Variants in CADPS observed in about 807,000 individuals in gnomAD.
The protein encoded by CADPS is calcium-dependent secretion activator 1.
Under a neutral mutation model 167.3 loss-of-function variants are expected in CADPS, and 57 were observed. The ratio of observed to expected loss-of-function variants is 0.34; its 90% CI spans 0.28 to 0.42. CADPS has a LOEUF of 0.42. Among genes scored for constraint, CADPS ranks in the 20% least tolerant of loss-of-function variants. The probability of loss-of-function intolerance (pLI) is 1.00; values close to 1 mark genes in which losing one functional copy is unlikely to be tolerated. For missense variants in CADPS, 1,414 were observed against 1,738.1 expected (o/e 0.81, Z 3.32); for synonymous variants, 676 against 635.3 (o/e 1.06, Z -0.96).
intron 11 of CADPS, among the ~76,000 whole-genome samples, chr3:62,545,920 T>A (rs1466328575): frequency 6.6e-6 from 1 of 152,154 alleles, no homozygotes; most frequent in East Asian, 1.9e-4. Context: ...GTAGCTTCCT[T>A]TTGTCTTGTA....
chr3:62,456,672 C>T (rs150838848), intron 26 of CADPS, among the ~76,000 whole-genome samples: 24 of 151,052 alleles, frequency 1.6e-4, no homozygotes, highest in African/African-American at 5.8e-4. Flanking sequence ...CCATGTGGTA[C>T]ATATCCTGCA....
chr3:62,605,822 C>T (rs776468288), intron 6 of CADPS, among the ~76,000 whole-genome samples: 2 of 152,188 alleles, frequency 1.3e-5, no homozygotes, highest in Non-Finnish European at 2.9e-5. Flanking sequence ...CAAAGATGCA[C>T]AAGTAATCCA....
At chr3:62,428,146 A>G (rs1405937739) in intron 28 of CADPS, among the ~76,000 whole-genome samples, 1 of 152,174 alleles carries the variant, frequency 6.6e-6, no homozygotes, top group South Asian at 2.1e-4. Context: ...TTTTTAGTCA[A>G]CTCAGCAGGA....
chr3:62,737,990 G>A (rs1459655155), intron 3 of CADPS, among the ~76,000 whole-genome samples: 9 of 151,816 alleles, frequency 5.9e-5, no homozygotes, highest in African/African-American at 2.2e-4. Flanking sequence ...TTAAACATCA[G>A]TTTTTTGAGA....
chr3:62,562,918 G>C (rs551041109), intron 9 of CADPS, among the ~76,000 whole-genome samples: 5 of 152,338 alleles, frequency 3.3e-5, no homozygotes, highest in African/African-American at 4.8e-5. Flanking sequence ...AATTGTTAAA[G>C]AAAAGTTTTC....
At chr3:62,527,577 G>A (rs1577245937) in intron 13 of CADPS, among the ~76,000 whole-genome samples, 1 of 152,108 alleles carries the variant, frequency 6.6e-6, no homozygotes, top group African/African-American at 2.4e-5. Context: ...GACCAGATGT[G>A]TCTACACTTG....
intron 1 of CADPS, among the ~76,000 whole-genome samples, chr3:62,793,817 A>T (rs951960682): frequency 9.9e-5 from 15 of 152,282 alleles, no homozygotes; most frequent in Non-Finnish European, 2.2e-4. Flanking sequence ...TTGTTTGATG[A>T]TTTTGTTCCT....
chr3:62,706,066 C>T (rs953035697), intron 3 of CADPS, among the ~76,000 whole-genome samples: 1 of 152,096 alleles, frequency 6.6e-6, no homozygotes, highest in Admixed American at 6.5e-5. Flanking sequence ...GGGCTGCCAC[C>T]CTCGGGGTTA....
chr3:62,485,578 T>C (rs2062694050), intron 21 of CADPS, among the ~76,000 whole-genome samples: 1 of 152,302 alleles, frequency 6.6e-6, no homozygotes, highest in East Asian at 1.9e-4. Flanking sequence ...TAAAGTCATT[T>C]TTCTTGTGTG....
chr3:62,417,671 C>A (rs1048910052), intron 28 of CADPS, among the ~76,000 whole-genome samples: 1 of 151,904 alleles, frequency 6.6e-6, no homozygotes, highest in Non-Finnish European at 1.5e-5. Flanking sequence ...GAAAAAAGTT[C>A]TATAGTGACA....
chr3:62,512,491 G>C (rs971130891), intron 17 of CADPS, among the ~76,000 whole-genome samples: 1 of 152,124 alleles, frequency 6.6e-6, no homozygotes, highest in African/African-American at 2.4e-5. Flanking sequence ...CTATAACCAA[G>C]GATGAAATGA....
At chr3:62,546,127 AT>A (rs75526981) in intron 11 of CADPS, among the ~76,000 whole-genome samples, 1,739 of 143,112 alleles carry the variant, frequency 0.012, 7 homozygotes, top group African/African-American at 0.018. Flanking sequence ...GCAATACTTG[AT>A]TTTTTTTTTT....
At chr3:62,654,246 G>A (rs1310828556) in intron 4 of CADPS, among the ~76,000 whole-genome samples, 2 of 152,158 alleles carry the variant, frequency 1.3e-5, no homozygotes, top group African/African-American at 2.4e-5. Flanking sequence ...GGCACTAGGG[G>A]GATCATGTTG....
At chr3:62,491,558 A>AACAC (rs35911391) in intron 20 of CADPS, 78 bp from the exon 21 acceptor site, 171,138 of 514,274 alleles carry the variant, frequency 0.33, 13,945 homozygotes, top group East Asian at 0.4. Flanking sequence ...CACACACACA[A>AACAC]ACACACACAC....
intron 1 of CADPS, among the ~76,000 whole-genome samples, chr3:62,791,182 T>A (rs1206061959): frequency 6.6e-6 from 1 of 152,196 alleles, no homozygotes; most frequent in Non-Finnish European, 1.5e-5. Flanking sequence ...ACACACTGAA[T>A]ATTCTATAGC....
At chr3:62,482,535 G>A (rs2150866248) in intron 21 of CADPS, among the ~76,000 whole-genome samples, 1 of 152,278 alleles carries the variant, frequency 6.6e-6, no homozygotes, top group African/African-American at 2.4e-5. Context: ...AAAGAAAATA[G>A]AAACTTTCTC....
chr3:62,593,109 AACTGC>A (rs1257631801), intron 6 of CADPS, among the ~76,000 whole-genome samples: 2 of 152,362 alleles, frequency 1.3e-5, no homozygotes, highest in East Asian at 3.9e-4. Flanking sequence ...CATTCATGGA[AACTGC>A]AGTTGTACAT....
chr3:62,594,782 G>C (rs995016847), intron 6 of CADPS, among the ~76,000 whole-genome samples: 1 of 152,160 alleles, frequency 6.6e-6, no homozygotes, highest in Non-Finnish European at 1.5e-5. Context: ...TGTTGCAGGA[G>C]CTGTGTTCCT....
intron 21 of CADPS, among the ~76,000 whole-genome samples, chr3:62,485,147 C>T (rs1054127337): frequency 4.6e-5 from 7 of 151,710 alleles, no homozygotes; most frequent in African/African-American, 1.7e-4. Context: ...AAGAGTAAGA[C>T]GTTTTTAAGC....
Sources: allele counts gnomAD v4.1 joint callset (sites outside exome capture counted in the v4.1 genomes callset), GRCh38; gene constraint gnomAD v4.1.1; transcripts MANE v1.5; gene names NCBI Gene and HGNC (gene_info 2026-07-23, HGNC 2026-07-21).